CARS1: variants seen among roughly 807,000 people sequenced by gnomAD.
CARS1 encodes the protein cysteine--tRNA ligase, cytoplasmic.
Under a neutral mutation model 106.2 loss-of-function variants are expected in CARS1, and 48 were observed. That is an observed-to-expected ratio of 0.45 (90% CI 0.36 to 0.57). The LOEUF (loss-of-function observed/expected upper bound fraction) is 0.57, where lower values mean the gene tolerates loss of function less well. Ranked by LOEUF, CARS1 falls within the 20% of genes least tolerant of loss-of-function variation. The pLI, the probability that CARS1 is intolerant of heterozygous loss-of-function variation, is 0.00. For missense variants in CARS1, 968 were observed against 1,057.2 expected, an observed-to-expected ratio of 0.92 and a Z score of 1.17; for synonymous variants, 409 against 403.4, an observed-to-expected ratio of 1.01 and a Z score of -0.17.
Position 3,034,090 on chromosome 11 carries a change from A to G in CARS1, c.801+3960T>C, listed in dbSNP as rs955049714. Among the ~76,000 whole-genome samples, 5 of 152,062 alleles carry G rather than the reference A, an allele frequency of 3.3e-5. No individual in the cohort carries two copies. Among genetic ancestry groups the G allele is most frequent in the Admixed American group, 6.5e-5 (1 of 15,272 alleles). On this transcript the variant is annotated intron_variant, in intron 7 of 22. Transcript: ENST00000380525. The surrounding 1 kb of genome is among the most constrained non-coding windows in gnomAD (Gnocchi z 6.3). Reference sequence around the variant, plus strand: ...AGCCACTGCACCTGGTCTGGGCTGGACAATTTGACCAACAGAACAGAATTA... The same window carrying G: ...AGCCACTGCACCTGGTCTGGGCTGGGCAATTTGACCAACAGAACAGAATTA...
At position 3,043,327 on chromosome 11, in the gene CARS1, G is replaced by C. The variant is rs1429655185; in HGVS notation, c.275-1071C>G. On this transcript the variant is annotated intron_variant, in intron 2 of 22. Coordinates refer to ENST00000380525, the MANE Select transcript of CARS1 (RefSeq NM_001014437.3). The surrounding 1 kb of genome is among the most constrained non-coding windows in gnomAD (Gnocchi z 4.0). ...CTGAAACGTCAATCTGGCAAAGCTA[G>C]GTGTGGAGGACGGTACCTGGTGACT... 6.6e-6 allele frequency among the ~76,000 whole-genome samples: 1 copy of C among 152,050 alleles called. No individual in the cohort carries two copies. Among genetic ancestry groups the C allele is most frequent in the Non-Finnish European group, 1.5e-5 (1 of 67,990 alleles).
Position 3,039,194 on chromosome 11 carries a change from C to T in CARS1, c.651G>A (p.Lys217=). Residue 217 remains lysine (K), a splice_region_variant and synonymous_variant, in exon 6 of 23, where the codon AAG becomes AAA. Transcript: ENST00000380525. This position sits in a 1 kb window ranked among gnomAD's most constrained non-coding sequence, Gnocchi z 5.6. ...CTAGAGCAGACAGCAAGAGGCCCAC[C>T]TTCAGGGCGGCCTGAACATCCTCCA... is the stretch of plus-strand genomic sequence containing the variant. ...QLLEDVQAAL[K]PFSVKLNETT... is the part of the protein sequence containing the mutation. 1 of 1,605,686 alleles carries T rather than the reference C, an allele frequency of 6.2e-7. No homozygotes were observed.
At position 3,004,093 on chromosome 11, in the gene CARS1, G is replaced by A. The variant is rs1225343014; in HGVS notation, c.2217+1273C>T. ...CAGCACCAGGCCACCTCACAGCACAGCACGGCAGGCGAGACCCAAGGCTAG... is the reference window on the plus strand; with the variant it reads ...CAGCACCAGGCCACCTCACAGCACAACACGGCAGGCGAGACCCAAGGCTAG... On this transcript the variant is annotated intron_variant, in intron 20 of 22. Coordinates refer to ENST00000380525, the MANE Select transcript of CARS1 (RefSeq NM_001014437.3). The surrounding 1 kb of genome is among the most constrained non-coding windows in gnomAD (Gnocchi z 5.2). Among the ~76,000 whole-genome samples the A allele has an allele frequency of 2.6e-5, 4 of 152,202 alleles. No homozygotes were observed. Among genetic ancestry groups the A allele is most frequent in the African/African-American group, 9.7e-5 (4 of 41,448 alleles).
At position 3,021,978 on chromosome 11, in the gene CARS1, T is replaced by C. The variant is rs1014131832; in HGVS notation, c.1154-1646A>G. ...TTTTTAAAAATACGCTTTGAAAAAA[T>C]TGATAACAGAGAACACAGGACCCTC... On this transcript the variant is annotated intron_variant, in intron 10 of 22. Coordinates refer to ENST00000380525, the MANE Select transcript of CARS1 (RefSeq NM_001014437.3). This position sits in a 1 kb window ranked among gnomAD's most constrained non-coding sequence, Gnocchi z 5.3. 6.6e-6 allele frequency among the ~76,000 whole-genome samples: 1 copy of C among 152,128 alleles called. No individual in the cohort carries two copies. The highest frequency in any genetic ancestry group is 1.5e-5 in the Non-Finnish European group (1 of 68,028).
intron 20 of CARS1, 146 bp downstream of exon 20, chr11:3,005,220 G>A (rs1381793108): frequency 1.7e-6 from 1 of 593,822 alleles, no homozygotes; most frequent in African/African-American, 1.9e-5. Context: ...GAAGATACTA[G>A]TTAATTTTTC....
In CARS1 at chr11:3,012,230, C is replaced by G; in HGVS notation, c.2033G>C (p.Arg678Pro). The change falls in exon 18 of 23, where the codon CGA (arginine) becomes CCA (proline). Residue 678 changes from arginine to proline, a missense_variant. Arg to Pro is a moderately radical substitution (Grantham distance 103). Coordinates refer to ENST00000380525, the MANE Select transcript of CARS1 (RefSeq NM_001014437.3). Reference sequence around the variant, plus strand: ...TCGGGCAATCTTCCGCACTCCTTCTCGGAATTCTGATAACACCTGAAGGTA... The same window carrying G: ...TCGGGCAATCTTCCGCACTCCTTCTGGGAATTCTGATAACACCTGAAGGTA... ...MPYLQVLSEF[R>P]EGVRKIAREQ... The G allele has an allele frequency of 6.2e-7, 1 of 1,614,252 alleles. No homozygotes were observed. Among genetic ancestry groups the G allele is most frequent in the Non-Finnish European group, 8.5e-7 (1 of 1,180,038 alleles).
At chr11:3,006,812 G>A (rs1304476022) in intron 19 of CARS1, 67 bp downstream of exon 19, 23 of 1,240,970 alleles carry the variant, frequency 1.9e-5, no homozygotes, top group Non-Finnish European at 2.7e-5. Flanking sequence ...CCAGCCCCGG[G>A]AGCTCTCCTT....
rs990419768 is a variant in CARS1 at position 3,043,688 on chromosome 11, G to A, written c.275-1432C>T. On this transcript the variant is annotated intron_variant, in intron 2 of 22. Coordinates refer to ENST00000380525, the MANE Select transcript of CARS1 (RefSeq NM_001014437.3). This position sits in a 1 kb window ranked among gnomAD's most constrained non-coding sequence, Gnocchi z 4.0. ...CAGCAAATTGCCACACACTGATCAC[G>A]GGGAAGTTGGTCCTGGGCACCAGCC... Among the ~76,000 whole-genome samples the A allele has an allele frequency of 1.4e-4, 21 of 152,086 alleles. No individual in the cohort carries two copies. The highest frequency in any genetic ancestry group is 2.0e-4 in the Admixed American group (3 of 15,250).
At chr11:3,005,971 A>G (rs1265756145) in intron 19 of CARS1, among the ~76,000 whole-genome samples, 1 of 152,204 alleles carries the variant, frequency 6.6e-6, no homozygotes, top group Admixed American at 6.5e-5. Context: ...AAAATAGGAC[A>G]TGACATCTGA....
intron 10 of CARS1, 76 bp downstream of exon 10, chr11:3,026,600 G>A (rs749313499): frequency 2.9e-4 from 441 of 1,539,658 alleles, no homozygotes; most frequent in Non-Finnish European, 3.1e-4. Context: ...CGCAGCCCCC[G>A]TGGCCTGCAA....
intron 1 of CARS1, chr11:3,054,850 G>A (rs1428221136): frequency 1.4e-6 from 1 of 701,714 alleles, no homozygotes; most frequent in East Asian, 2.7e-5. Context: ...GAATTAAACT[G>A]TATAAAAATT....
At position 3,040,511 on chromosome 11, in the gene CARS1, C is replaced by T. The variant is rs974834888; in HGVS notation, c.455+385G>A. The T allele has an allele frequency of 2.1e-6, 1 of 479,150 alleles. No individual in the cohort carries two copies. Among genetic ancestry groups the T allele is most frequent in the Admixed American group, 2.3e-5 (1 of 43,216 alleles). 29.7% of individuals were successfully genotyped at this position (479,150 alleles called of 1,614,324 possible). A position where few individuals can be genotyped will look rare whatever the true frequency, so the allele number is the denominator to read the frequency against. On this transcript the variant is annotated intron_variant, in intron 4 of 22. Coordinates refer to ENST00000380525, the MANE Select transcript of CARS1 (RefSeq NM_001014437.3). The surrounding 1 kb of genome is among the most constrained non-coding windows in gnomAD (Gnocchi z 5.8). ...CCATCCAGTGGTCGGGGGGCGGTCA[C>T]AGCCAACCCAGCGTCAGGCCTGTCA...
intron 9 of CARS1, chr11:3,027,711 G>C (rs1463913136): frequency 2.6e-6 from 1 of 384,274 alleles, no homozygotes; most frequent in East Asian, 7.6e-5. Context: ...CAGAAGACAA[G>C]AGTGTGAACC....
chr11:3,009,283 C>T (rs1390175110), intron 18 of CARS1: 4 of 152,276 alleles, frequency 2.6e-5, no homozygotes, highest in Non-Finnish European at 5.9e-5. Flanking sequence ...GGTCCTGACA[C>T]AGGCTGCAAC....
At position 3,020,355 on chromosome 11, in the gene CARS1, G is replaced by T; in HGVS notation, c.1154-23C>A. 1 of 1,481,990 alleles carries T rather than the reference G, an allele frequency of 6.7e-7. No individual in the cohort carries two copies. The highest frequency in any genetic ancestry group is 9.4e-7 in the Non-Finnish European group (1 of 1,060,010). 91.8% of individuals were successfully genotyped at this position (1,481,990 alleles called of 1,614,324 possible). ...CACCTGCAAACACGAGGGACGCCAGGCAAGGTCACTCAGCAGCACCCACAG... is the reference window on the plus strand; with the variant it reads ...CACCTGCAAACACGAGGGACGCCAGTCAAGGTCACTCAGCAGCACCCACAG... On this transcript the variant is annotated intron_variant, in intron 10 of 22. Coordinates refer to ENST00000380525, the MANE Select transcript of CARS1 (RefSeq NM_001014437.3). The surrounding 1 kb of genome is among the most constrained non-coding windows in gnomAD (Gnocchi z 4.6).
intron 1 of CARS1, among the ~76,000 whole-genome samples, chr11:3,051,391 C>T (rs1226940389): frequency 6.6e-6 from 1 of 152,194 alleles, no homozygotes; most frequent in African/African-American, 2.4e-5. Flanking sequence ...CGGGGCTTCC[C>T]TCTGAGAAGA....
chr11:3,026,643 G>C (rs201943900), intron 10 of CARS1, 33 bp downstream of exon 10: 2 of 1,609,968 alleles, frequency 1.2e-6, no homozygotes, highest in East Asian at 4.5e-5. Context: ...CCAGGAGGGA[G>C]AGCCCACATG....
rs559786555 is a variant in CARS1, at chr11:3,034,794, A to G, written c.801+3256T>C. Among the ~76,000 whole-genome samples, 71 of 152,236 alleles carry G rather than the reference A, an allele frequency of 4.7e-4. No individual in the cohort carries two copies. Among genetic ancestry groups the G allele is most frequent in the Middle Eastern group, 3.4e-3 (1 of 294 alleles). On this transcript the variant is annotated intron_variant, in intron 7 of 22. Coordinates refer to ENST00000380525, the MANE Select transcript of CARS1 (RefSeq NM_001014437.3). The surrounding 1 kb of genome is among the most constrained non-coding windows in gnomAD (Gnocchi z 6.3). The stretch of plus-strand genomic sequence containing the variant: ...CGTGATCTGCCCACCTCAGCCTCCC[A>G]AAGTGCTGGGATTACAGGCATGAGC...
rs745758124 is a variant in CARS1 at position 3,017,397 on chromosome 11, C to G, written c.1728-102G>C. ...GTGGCTCACGCCTATAATCCCAGCA[C>G]TTTGGGAGGCTGAGGTGGGCGGATC... On this transcript the variant is annotated intron_variant, in intron 15 of 22. Coordinates refer to ENST00000380525, the MANE Select transcript of CARS1 (RefSeq NM_001014437.3). The surrounding 1 kb of genome is among the most constrained non-coding windows in gnomAD (Gnocchi z 4.9). 1.6e-5 allele frequency: 16 copies of G among 1,027,008 alleles called. No individual in the cohort carries two copies. Among genetic ancestry groups the G allele is most frequent in the Non-Finnish European group, 2.3e-5 (16 of 686,544 alleles). 63.6% of individuals were successfully genotyped at this position (1,027,008 alleles called of 1,614,324 possible).
Sources: allele counts gnomAD v4.1 joint callset (sites outside exome capture counted in the v4.1 genomes callset), GRCh38; gene constraint gnomAD v4.1.1; non-coding constraint Gnocchi (gnomAD v3.1); transcripts MANE v1.5; gene names NCBI Gene and HGNC (gene_info 2026-07-23, HGNC 2026-07-21).